Variants in SYNGR1 observed in about 807,000 individuals in gnomAD.
The protein encoded by SYNGR1 is synaptogyrin 1.
In SYNGR1, 14 loss-of-function variants were observed where a neutral mutation model predicts 26.1. That is an observed-to-expected ratio of 0.54 (90% CI 0.35 to 0.84). The LOEUF (loss-of-function observed/expected upper bound fraction) is 0.84. Ranked by LOEUF, SYNGR1 falls within the 40% of genes least tolerant of loss-of-function variation. The pLI, the probability that SYNGR1 is intolerant of heterozygous loss-of-function variation, is 0.01. For missense variants in SYNGR1, 319 were observed against 332.9 expected, an observed-to-expected ratio of 0.96 and a Z score of 0.33; for synonymous variants, 141 against 150.1, an observed-to-expected ratio of 0.94 and a Z score of 0.44.
Position 39,350,070 on chromosome 22 carries a change from G to T in SYNGR1, c.60G>T (p.Leu20=). 1 of 1,467,376 alleles carries T rather than the reference G, an allele frequency of 6.8e-7. No homozygotes were observed. 90.9% of individuals were successfully genotyped at this position (1,467,376 alleles called of 1,614,324 possible). A position where few individuals can be genotyped will look rare whatever the true frequency, so the allele number is the denominator to read the frequency against. Reference sequence around the variant, plus strand: ...GGGGCGCCTTCGACCCCTACACCCTGGTCCGGCAGCCGCACACCATCCTGC... The same window carrying T: ...GGGGCGCCTTCGACCCCTACACCCTTGTCCGGCAGCCGCACACCATCCTGC... ...KAGGAFDPYT[L]VRQPHTILRV... is the part of the protein sequence containing the mutation. Residue 20 remains leucine, a synonymous_variant, in exon 1 of 4, where the codon CTG becomes CTT. Transcript: ENST00000328933. The surrounding 1 kb of genome is among the most constrained non-coding windows in gnomAD (Gnocchi z 4.3).
chr22:39,350,093 T>C lies in SYNGR1; in HGVS notation c.83T>C (p.Leu28Pro). The change falls in exon 1 of 4, where the codon CTG becomes CCG. Residue 28 changes from leucine to proline, a missense_variant. By Grantham distance (98) the Leu-to-Pro change is moderately conservative. Coordinates refer to ENST00000328933, the MANE Select transcript of SYNGR1 (RefSeq NM_004711.5). The surrounding 1 kb of genome is among the most constrained non-coding windows in gnomAD (Gnocchi z 4.3). ...CTGGTCCGGCAGCCGCACACCATCC[T>C]GCGCGTCGTGTCTTGGGTAAGGACG... ...YTLVRQPHTI[L>P]RVVSWLFSIV... is the part of the protein sequence containing the mutation. 6.8e-7 allele frequency: 1 copy of C among 1,467,274 alleles called. No individual in the cohort carries two copies. Among genetic ancestry groups the C allele is most frequent in the South Asian group, 1.3e-5 (1 of 79,910 alleles). The allele number at this position is 1,467,274 out of a possible 1,614,324, so 90.9% of individuals were successfully genotyped here. A position where few individuals can be genotyped will look rare whatever the true frequency, so the allele number is the denominator to read the frequency against.
intron 1 of SYNGR1, among the ~76,000 whole-genome samples, chr22:39,363,999 C>T (rs1014168370): frequency 3.3e-5 from 5 of 152,192 alleles, no homozygotes; most frequent in African/African-American, 1.2e-4. Flanking sequence ...TTACAGTGAT[C>T]TCAGCCACCC....
chr22:39,376,223 C>G, intron 3 of SYNGR1, 26 bp downstream of exon 3: 2 of 1,613,868 alleles, frequency 1.2e-6, no homozygotes, highest in Non-Finnish European at 1.7e-6. Flanking sequence ...GCGCACCAGC[C>G]CACACTCGTC....
chr22:39,374,419 G>A lies in SYNGR1; in HGVS notation c.203G>A (p.Cys68Tyr). Reference sequence around the variant, plus strand: ...ATCTACAACCGCAACCCCAACGCCTGCAGCTATGGCGTGGCCGTGGGCGTG... The same window carrying A: ...ATCTACAACCGCAACCCCAACGCCTACAGCTATGGCGTGGCCGTGGGCGTG... The part of the protein sequence containing the change: ...FCIYNRNPNA[C>Y]SYGVAVGVLA... Residue 68 changes from cysteine (C) to tyrosine (Y), a missense_variant, in exon 2 of 4, where the codon TGC becomes TAC. By Grantham distance (194) the Cys-to-Tyr change is radical. Transcript: ENST00000328933. 1 of 1,614,038 alleles carries A rather than the reference G, an allele frequency of 6.2e-7. No homozygotes were observed.
chr22:39,361,485 G>A (rs1924470022), intron 1 of SYNGR1, among the ~76,000 whole-genome samples: 1 of 150,614 alleles, frequency 6.6e-6, no homozygotes, highest in African/African-American at 2.5e-5. Flanking sequence ...AGCCTCCCAA[G>A]TAGCTGAGAT....
intron 1 of SYNGR1, among the ~76,000 whole-genome samples, chr22:39,360,896 C>T (rs1443849893): frequency 2.6e-5 from 4 of 152,180 alleles, no homozygotes; most frequent in Non-Finnish European, 5.9e-5. Context: ...GGGGTGTACG[C>T]TTGGAGGGCG....
intron 1 of SYNGR1, among the ~76,000 whole-genome samples, chr22:39,353,324 G>A (rs1057384801): frequency 2.0e-5 from 3 of 152,034 alleles, no homozygotes; most frequent in African/African-American, 7.2e-5. Flanking sequence ...ACAGAAGCAG[G>A]GCCTCCAAGA....
chr22:39,370,763 G>A (rs965046016), intron 1 of SYNGR1, among the ~76,000 whole-genome samples: 2 of 151,282 alleles, frequency 1.3e-5, no homozygotes, highest in African/African-American at 2.4e-5. Flanking sequence ...GATTACAGTT[G>A]TGTGCCACCA....
intron 1 of SYNGR1, among the ~76,000 whole-genome samples, chr22:39,361,431 T>G (rs1251422354): frequency 7.0e-6 from 1 of 143,010 alleles, no homozygotes; most frequent in African/African-American, 2.6e-5. Context: ...CGATCCCAAC[T>G]CACTGCAACC....
chr22:39,366,165 A>G (rs1300491648), intron 1 of SYNGR1, among the ~76,000 whole-genome samples: 1 of 148,094 alleles, frequency 6.8e-6, no homozygotes, highest in Non-Finnish European at 1.5e-5. Flanking sequence ...GGGTTTCACC[A>G]TGTTGCCTAG....
chr22:39,365,362 C>T (rs541737333), intron 1 of SYNGR1, among the ~76,000 whole-genome samples: 155 of 152,334 alleles, frequency 1.0e-3, no homozygotes, highest in South Asian at 3.1e-3. Context: ...AGGTTCAAGC[C>T]TCAACTCCAC....
chr22:39,351,783 A>G (rs1305713969), intron 1 of SYNGR1, among the ~76,000 whole-genome samples: 1 of 152,256 alleles, frequency 6.6e-6, no homozygotes, highest in East Asian at 1.9e-4. Flanking sequence ...TCGGGAAGCC[A>G]CAGTCCCACT....
chr22:39,365,450 T>C (rs1018465203), intron 1 of SYNGR1, among the ~76,000 whole-genome samples: 1 of 151,868 alleles, frequency 6.6e-6, no homozygotes, highest in Non-Finnish European at 1.5e-5. Context: ...GCTGGTGGAG[T>C]GAAGAGCATA....
intron 1 of SYNGR1, among the ~76,000 whole-genome samples, chr22:39,358,875 A>AC (rs1924317651): frequency 6.6e-6 from 1 of 152,196 alleles, no homozygotes; most frequent in African/African-American, 2.4e-5. Flanking sequence ...TCACAGATAG[A>AC]GTTTTGCTCA....
intron 1 of SYNGR1, among the ~76,000 whole-genome samples, chr22:39,369,245 C>T (rs745946818): frequency 4.6e-5 from 7 of 152,194 alleles, no homozygotes; most frequent in Non-Finnish European, 7.3e-5. Context: ...GGTTGTGTGA[C>T]TAGCAGTCCC....
intron 1 of SYNGR1, among the ~76,000 whole-genome samples, chr22:39,357,515 C>T (rs528775558): frequency 2.6e-5 from 4 of 152,350 alleles, no homozygotes; most frequent in South Asian, 2.1e-4. Flanking sequence ...CCCACTCCCT[C>T]AGCTTGCAGG....
chr22:39,353,230 C>A (rs1923997362), intron 1 of SYNGR1, among the ~76,000 whole-genome samples: 1 of 152,156 alleles, frequency 6.6e-6, no homozygotes, highest in South Asian at 2.1e-4. Context: ...CAAAAGAGGG[C>A]CCCCAAATCA....
chr22:39,361,909 G>C (rs1924491143), intron 1 of SYNGR1, among the ~76,000 whole-genome samples: 1 of 152,014 alleles, frequency 6.6e-6, no homozygotes, highest in African/African-American at 2.4e-5. Flanking sequence ...GCCCTGGGGG[G>C]GTACAGGATT....
intron 3 of SYNGR1, chr22:39,378,422 C>T: frequency 1.0e-6 from 1 of 983,958 alleles, no homozygotes; most frequent in Non-Finnish European, 1.2e-6. Context: ...GAGTCAGGGG[C>T]ACCTCCAGAA....
Sources: gnomAD v4.1 joint callset for allele counts (sites outside exome capture counted in the v4.1 genomes callset) on GRCh38, gnomAD v4.1.1 for gene constraint, Gnocchi (gnomAD v3.1) non-coding constraint, MANE v1.5 for transcripts, NCBI Gene and HGNC (gene_info 2026-07-23, HGNC 2026-07-21) for gene names.